The following ANKS1B variants were observed in gnomAD, a reference collection of about 807,000 sequenced individuals.
ANKS1B encodes ankyrin repeat and sterile alpha motif domain-containing protein 1B.
ANKS1B carries 36 observed loss-of-function variants against 148.3 expected under a neutral mutation model. The ratio of observed to expected loss-of-function variants is 0.24; its 90% confidence interval spans 0.19 to 0.32. The LOEUF (loss-of-function observed/expected upper bound fraction) is 0.32, where lower values mean the gene tolerates loss of function less well. ANKS1B is among the 10% of genes least tolerant of loss of function. ANKS1B has a pLI of 1.00. For missense variants in ANKS1B, 1,157 were observed against 1,542.6 expected (o/e 0.75, Z 4.19); for synonymous variants, 542 against 560.8 (o/e 0.97, Z 0.47).
chr12:99,104,493 C>T (rs562585736), intron 15 of ANKS1B: 5 of 152,242 alleles, frequency 3.3e-5, no homozygotes, highest in Middle Eastern at 3.4e-3. Flanking sequence ...TCTATATGAT[C>T]GGCTATTTGT....
At chr12:99,475,184 G>T (rs1355472749) in intron 10 of ANKS1B, among the ~76,000 whole-genome samples, 4 of 150,364 alleles carry the variant, frequency 2.7e-5, no homozygotes, top group Non-Finnish European at 4.4e-5. Context: ...ACAGAGGTTT[G>T]CAGTGAGCCG....
intron 9 of ANKS1B, among the ~76,000 whole-genome samples, chr12:99,608,071 A>C (rs779128212): frequency 3.9e-5 from 6 of 152,076 alleles, no homozygotes; most frequent in Non-Finnish European, 7.4e-5. Flanking sequence ...GGTCTCTTAG[A>C]GCTGAGGTAA....
At chr12:99,523,552 T>C (rs370751730) in intron 9 of ANKS1B, among the ~76,000 whole-genome samples, 1,076 of 73,584 alleles carry the variant, frequency 0.015, 9 homozygotes, top group African/African-American at 0.079. Flanking sequence ...AGGCATCTTC[T>C]TTTTTTTTTT....
chr12:99,098,479 G>T (rs964764951), intron 15 of ANKS1B, among the ~76,000 whole-genome samples: 1 of 152,088 alleles, frequency 6.6e-6, no homozygotes, highest in Non-Finnish European at 1.5e-5. Flanking sequence ...CTCAGGATCA[G>T]CAATCCTCTT....
chr12:99,194,786 A>T (rs1243538783), intron 14 of ANKS1B, among the ~76,000 whole-genome samples: 1 of 152,178 alleles, frequency 6.6e-6, no homozygotes, highest in Non-Finnish European at 1.5e-5. Flanking sequence ...CATGCAATAT[A>T]TTAACAGATG....
intron 1 of ANKS1B, among the ~76,000 whole-genome samples, chr12:99,836,182 T>G (rs974112961): frequency 2.6e-5 from 4 of 152,118 alleles, no homozygotes; most frequent in African/African-American, 9.7e-5. Context: ...TTTGTTTTTG[T>G]AAATAAAGTT....
At chr12:99,658,148 C>T (rs898598968) in intron 8 of ANKS1B, among the ~76,000 whole-genome samples, 1 of 152,088 alleles carries the variant, frequency 6.6e-6, no homozygotes, top group Admixed American at 6.6e-5. Flanking sequence ...GTCTGCACAG[C>T]GTATTGTAGT....
intron 25 of ANKS1B, among the ~76,000 whole-genome samples, chr12:98,755,793 C>A (rs1342960110): frequency 6.6e-6 from 1 of 152,116 alleles, no homozygotes; most frequent in Non-Finnish European, 1.5e-5. Context: ...CAAAATCCCC[C>A]ACTCTTGGCC....
chr12:99,622,687 A>G (rs2098068681), intron 9 of ANKS1B, among the ~76,000 whole-genome samples: 1 of 152,050 alleles, frequency 6.6e-6, no homozygotes, highest in Non-Finnish European at 1.5e-5. Flanking sequence ...ACCTCCCAAA[A>G]TTGAATCAGG....
At chr12:99,453,024 C>T (rs576835426) in intron 10 of ANKS1B, among the ~76,000 whole-genome samples, 9 of 152,304 alleles carry the variant, frequency 5.9e-5, no homozygotes, top group African/African-American at 1.2e-4. Flanking sequence ...GGCACAGTGG[C>T]TCACGCCTGT....
intron 9 of ANKS1B, among the ~76,000 whole-genome samples, chr12:99,654,658 C>T (rs532378031): frequency 3.9e-5 from 6 of 152,306 alleles, no homozygotes; most frequent in Admixed American, 1.3e-4. Flanking sequence ...CATTATTCTA[C>T]AATGCTCCAT....
At chr12:99,500,847 C>T (rs183724147) in intron 10 of ANKS1B, among the ~76,000 whole-genome samples, 140 of 152,282 alleles carry the variant, frequency 9.2e-4, no homozygotes, top group Middle Eastern at 6.8e-3. Flanking sequence ...TCTCTTTCTT[C>T]TCCTCTGGAA....
At chr12:99,101,400 T>C (rs1342982542) in intron 15 of ANKS1B, among the ~76,000 whole-genome samples, 3 of 152,336 alleles carry the variant, frequency 2.0e-5, no homozygotes, top group East Asian at 1.9e-4. Context: ...AAAGAAATAC[T>C]ATAGAGCCAA....
At chr12:99,458,627 G>A (rs1451701669) in intron 10 of ANKS1B, among the ~76,000 whole-genome samples, 1 of 151,862 alleles carries the variant, frequency 6.6e-6, no homozygotes, top group Non-Finnish European at 1.5e-5. Flanking sequence ...AGGTTACTAT[G>A]AACACTTTTA....
intron 12 of ANKS1B, among the ~76,000 whole-genome samples, chr12:99,336,161 C>T (rs1238523802): frequency 6.6e-6 from 1 of 151,988 alleles, no homozygotes; most frequent in African/African-American, 2.4e-5. Context: ...GCCATTTATA[C>T]GTCTTCTATT....
chr12:99,907,653 T>C (rs2153781177), intron 1 of ANKS1B, among the ~76,000 whole-genome samples: 1 of 152,294 alleles, frequency 6.6e-6, no homozygotes, highest in Admixed American at 6.5e-5. Flanking sequence ...TGAAAAGTGA[T>C]AGCAGTTAAA....
At chr12:99,572,666 T>C (rs56698292) in intron 9 of ANKS1B, among the ~76,000 whole-genome samples, 8,532 of 152,090 alleles carry the variant, frequency 0.056, 331 homozygotes, top group East Asian at 0.21. Flanking sequence ...AATATAAAAT[T>C]TCATGTTGTA....
chr12:99,297,628 A>G (rs771882925), intron 12 of ANKS1B, among the ~76,000 whole-genome samples: 21 of 152,282 alleles, frequency 1.4e-4, no homozygotes, highest in Middle Eastern at 6.8e-3. Flanking sequence ...GAGACTGGAA[A>G]TTGTGGAAAT....
At chr12:99,378,458 A>G (rs922654406) in intron 12 of ANKS1B, among the ~76,000 whole-genome samples, 1 of 152,084 alleles carries the variant, frequency 6.6e-6, no homozygotes, top group African/African-American at 2.4e-5. Flanking sequence ...GATCGAGACC[A>G]TCCTGGCCAA....
Sources: gnomAD v4.1 joint callset for allele counts (sites outside exome capture counted in the v4.1 genomes callset) on GRCh38, gnomAD v4.1.1 for gene constraint, MANE v1.5 for transcripts, NCBI Gene and HGNC (gene_info 2026-07-23, HGNC 2026-07-21) for gene names.